MEPE: variants seen among roughly 807,000 people sequenced by gnomAD.
MEPE encodes matrix extracellular phosphoglycoprotein.
A neutral mutation model predicts 7.3 loss-of-function variants in MEPE; 7 were observed. The observed-to-expected ratio is 0.95, with a 90% CI of 0.54 to 1.79. The LOEUF is 1.79. MEPE is among the 40% of genes most tolerant of loss of function. MEPE has a pLI of 0.00. For synonymous variants in MEPE, 214 were observed against 213.1 expected (o/e 1.00, Z -0.04); for missense variants, 623 against 628.2 (o/e 0.99, Z 0.09).
chr4:87,845,359 TG>T lies in MEPE; in HGVS notation c.496del (p.Glu166LysfsTer12). The T allele has an allele frequency of 6.2e-7, 1 of 1,613,916 alleles. No individual in the cohort carries two copies. Among genetic ancestry groups the T allele is most frequent in the Non-Finnish European group, 8.5e-7 (1 of 1,179,938 alleles). On this transcript the variant is annotated frameshift_variant, in exon 4 of 4. Coordinates refer to ENST00000361056, the MANE Select transcript of MEPE (RefSeq NM_020203.6). LOFTEE classifies it low-confidence loss of function (END_TRUNC). ...GGGCCAGTGACTGCGATTAAACTCC[TG>T]GGGGAAGAAAACAAAGAGAACACAC... is the stretch of plus-strand genomic sequence containing the variant. ...IMGPVTAIKLLGEENKENTPR... is the reference protein window; with the variant it reads ...IMGPVTAIKLXGEENKENTPR...
upstream of MEPE, among the ~76,000 whole-genome samples, chr4:87,829,083 C>T (rs1722538486): frequency 6.6e-6 from 1 of 152,096 alleles, no homozygotes; most frequent in Non-Finnish European, 1.5e-5. Flanking sequence ...TCAATTTCAA[C>T]ACAGAGGGCA....
intron 2 of MEPE, chr4:87,837,510 A>T (rs539993495): frequency 6.6e-6 from 1 of 152,376 alleles, no homozygotes; most frequent in East Asian, 1.9e-4. Context: ...TGCAAGCAAC[A>T]ACCTGTCTGT....
chr4:87,831,696 C>T (rs1722603102), upstream of MEPE, among the ~76,000 whole-genome samples: 1 of 152,120 alleles, frequency 6.6e-6, no homozygotes, highest in Non-Finnish European at 1.5e-5. Context: ...ATTGCAATGA[C>T]CTACAGGTCC....
chr4:87,826,387 T>TG (rs1016588651), intron 1 of MEPE, among the ~76,000 whole-genome samples: 2 of 151,388 alleles, frequency 1.3e-5, no homozygotes, highest in African/African-American at 4.9e-5. Flanking sequence ...ACAGTTTTTT[T>TG]TTTTGTTTTT....
chr4:87,838,624 C>T lies in MEPE; in HGVS notation c.55-8C>T. ...GTGGGTGAAGTTTTGTTTCTTGTTT[C>T]CTTTCAGACATTTCAACCACAGACT... is the stretch of plus-strand genomic sequence containing the variant. On this transcript the variant is annotated splice_polypyrimidine_tract_variant and splice_region_variant and intron_variant, in intron 2 of 3. Transcript: ENST00000361056. 1 of 1,612,354 alleles carries T rather than the reference C, an allele frequency of 6.2e-7. No individual in the cohort carries two copies. The highest frequency in any genetic ancestry group is 8.5e-7 in the Non-Finnish European group (1 of 1,178,890).
intron 2 of MEPE, among the ~76,000 whole-genome samples, chr4:87,836,291 G>A (rs1009896231): frequency 1.3e-5 from 2 of 152,076 alleles, no homozygotes; most frequent in African/African-American, 4.8e-5. Flanking sequence ...ATGTTTATTA[G>A]GCTATGCAAT....
chr4:87,828,517 C>CA (rs1232785423), upstream of MEPE, among the ~76,000 whole-genome samples: 1 of 151,706 alleles, frequency 6.6e-6, no homozygotes, highest in African/African-American at 2.4e-5. Context: ...AAATGTATAC[C>CA]AAAGCAATTA....
chr4:87,839,694 A>T, intron 3 of MEPE: 1 of 1,549,518 alleles, frequency 6.5e-7, no homozygotes, highest in Non-Finnish European at 8.7e-7. Flanking sequence ...GATAACATAC[A>T]AGGGTCACTA....
upstream of MEPE, among the ~76,000 whole-genome samples, chr4:87,829,317 C>A (rs1435557589): frequency 6.6e-6 from 1 of 152,050 alleles, no homozygotes; most frequent in Non-Finnish European, 1.5e-5. Flanking sequence ...GTATATTTAG[C>A]TACTGCCAGT....
At chr4:87,844,029 C>G (rs886185973) in intron 3 of MEPE, among the ~76,000 whole-genome samples, 11 of 152,204 alleles carry the variant, frequency 7.2e-5, no homozygotes, top group African/African-American at 2.7e-4. Flanking sequence ...GACTCAGCCT[C>G]TCTTAGCTCC....
At chr4:87,821,597 G>T (rs964541793) in intron 1 of MEPE, 3 of 152,184 alleles carry the variant, frequency 2.0e-5, no homozygotes, top group African/African-American at 7.2e-5. Flanking sequence ...AGACAAGCAA[G>T]TGGGCAAAAC....
intron 2 of MEPE, among the ~76,000 whole-genome samples, chr4:87,836,022 G>T (rs959546743): frequency 1.3e-5 from 2 of 151,942 alleles, no homozygotes; most frequent in African/African-American, 4.8e-5. Context: ...TAAGACATCT[G>T]CTTGGGGGTA....
At chr4:87,832,955 G>T (rs1464762208), upstream of MEPE, 1 of 152,164 alleles carries the variant, frequency 6.6e-6, no homozygotes, top group Non-Finnish European at 1.5e-5. Flanking sequence ...TCAGCAAAAT[G>T]CCCAGAGACT....
At chr4:87,828,875 C>T (rs1022970334), upstream of MEPE, among the ~76,000 whole-genome samples, 3 of 152,082 alleles carry the variant, frequency 2.0e-5, no homozygotes, top group Non-Finnish European at 4.4e-5. Context: ...TTCAAGTGTC[C>T]ATTTCTTTCC....
At chr4:87,838,806 C>T (rs1054104982) in intron 3 of MEPE, 121 bp downstream of exon 3, 3 of 793,880 alleles carry the variant, frequency 3.8e-6, no homozygotes, top group Non-Finnish European at 2.0e-6. Flanking sequence ...AAAAAATATA[C>T]AACATAATGT....
At chr4:87,828,180 A>G (rs1722519217), upstream of MEPE, among the ~76,000 whole-genome samples, 1 of 152,212 alleles carries the variant, frequency 6.6e-6, no homozygotes, top group Non-Finnish European at 1.5e-5. Flanking sequence ...CTGTATGGTA[A>G]AGAAGAGATT....
At chr4:87,840,528 C>A (rs1722974467) in intron 3 of MEPE, among the ~76,000 whole-genome samples, 1 of 152,030 alleles carries the variant, frequency 6.6e-6, no homozygotes, top group Non-Finnish European at 1.5e-5. Context: ...TATCCATTTG[C>A]CAAATATATG....
chr4:87,835,530 T>C (rs1722754573), intron 2 of MEPE, among the ~76,000 whole-genome samples: 1 of 152,196 alleles, frequency 6.6e-6, no homozygotes, highest in African/African-American at 2.4e-5. Flanking sequence ...TTGCCAATCA[T>C]ACTTATATAT....
At chr4:87,833,215 G>A (rs1317405564) in intron 1 of MEPE, among the ~76,000 whole-genome samples, 3 of 152,128 alleles carry the variant, frequency 2.0e-5, no homozygotes, top group Non-Finnish European at 4.4e-5. Flanking sequence ...TAAAATTGAT[G>A]ATTTGATAGC....
Sources: gnomAD v4.1 joint callset for allele counts (sites outside exome capture counted in the v4.1 genomes callset) on GRCh38, gnomAD v4.1.1 for gene constraint, MANE v1.5 for transcripts, NCBI Gene and HGNC (gene_info 2026-07-23, HGNC 2026-07-21) for gene names.